CNTN1: variants seen among roughly 807,000 people sequenced by gnomAD.
The protein encoded by CNTN1 is contactin-1.
CNTN1 carries 38 observed loss-of-function variants against 126.4 expected under a neutral mutation model. The observed-to-expected ratio is 0.30, with a 90% CI of 0.23 to 0.39. The LOEUF is 0.39. Among genes scored for constraint, CNTN1 ranks in the 10% least tolerant of loss-of-function variants. The pLI, the probability that CNTN1 is intolerant of heterozygous loss-of-function variation, is 1.00. For synonymous variants in CNTN1, 413 were observed against 422.6 expected, an observed-to-expected ratio of 0.98 and a Z score of 0.28; for missense variants, 1,009 against 1,248.4, an observed-to-expected ratio of 0.81 and a Z score of 2.89.
chr12:40,764,240 A>G (rs1938986818), intron 1 of CNTN1, among the ~76,000 whole-genome samples: 1 of 152,238 alleles, frequency 6.6e-6, no homozygotes, highest in Admixed American at 6.5e-5. Flanking sequence ...CACCAGGCAG[A>G]TTAAGCAGGC....
At chr12:40,896,693 A>G (rs1944426718) in intron 1 of CNTN1, among the ~76,000 whole-genome samples, 1 of 152,234 alleles carries the variant, frequency 6.6e-6, no homozygotes, top group Non-Finnish European at 1.5e-5. Context: ...AGTTGTCCTC[A>G]AATATATTTT....
intron 4 of CNTN1, among the ~76,000 whole-genome samples, chr12:40,920,060 A>C (rs1256598930): frequency 6.6e-6 from 1 of 152,162 alleles, no homozygotes; most frequent in Non-Finnish European, 1.5e-5. Context: ...AGACTGAAAC[A>C]CAGTTTTTAT....
chr12:40,768,860 A>C (rs1939225961), intron 1 of CNTN1, among the ~76,000 whole-genome samples: 2 of 152,270 alleles, frequency 1.3e-5, no homozygotes, highest in South Asian at 2.1e-4. Context: ...TTAAATAGTA[A>C]GTTTATTCTT....
At chr12:40,713,531 G>C (rs932581715) in intron 1 of CNTN1, among the ~76,000 whole-genome samples, 1 of 151,384 alleles carries the variant, frequency 6.6e-6, no homozygotes, top group Admixed American at 6.6e-5. Context: ...TTGATTATTT[G>C]GAATATTATC....
At chr12:41,016,201 G>A (rs1247640118) in intron 18 of CNTN1, among the ~76,000 whole-genome samples, 3 of 152,166 alleles carry the variant, frequency 2.0e-5, no homozygotes, top group African/African-American at 7.2e-5. Flanking sequence ...TTCATAAAAC[G>A]TGTATTCTAG....
At chr12:40,987,329 A>G (rs1469643448) in intron 16 of CNTN1, among the ~76,000 whole-genome samples, 4 of 152,206 alleles carry the variant, frequency 2.6e-5, no homozygotes, top group South Asian at 2.1e-4. Context: ...GAAATAGACT[A>G]TGTACTTTTA....
Position 40,929,919 on chromosome 12 carries a change from G to C in CNTN1, c.620G>C (p.Gly207Ala), listed in dbSNP as rs1310104539. 3 of 1,612,744 alleles carry C rather than the reference G, an allele frequency of 1.9e-6. No homozygotes were observed. In the East Asian group the frequency reaches 6.7e-5, roughly 36 times the overall value. Residue 207 changes from glycine to alanine, a missense_variant, in exon 7 of 24, where the codon GGC (glycine) becomes GCC (alanine). Gly to Ala is a moderately conservative substitution (Grantham distance 60, BLOSUM62 0). Transcript: ENST00000551295. ...GCAAATGTTGAGGCTTCCGACAAAGGCAATTATTCCTGCTTTGTTTCCAGT... is the reference window on the plus strand; with the variant it reads ...GCAAATGTTGAGGCTTCCGACAAAGCCAATTATTCCTGCTTTGTTTCCAGT... The part of the protein sequence containing the change: ...YIANVEASDK[G>A]NYSCFVSSPS...
chr12:40,957,276 G>GA (rs1946921245), intron 14 of CNTN1, among the ~76,000 whole-genome samples: 1 of 151,892 alleles, frequency 6.6e-6, no homozygotes, highest in Non-Finnish European at 1.5e-5. Context: ...AGAAAGAAGA[G>GA]AAAAGAAGAG....
In CNTN1 at chr12:40,705,478, T is replaced by G. The variant is rs576731977; in HGVS notation, c.-77+12886T>G. 1.2e-3 allele frequency among the ~76,000 whole-genome samples: 180 copies of G among 151,964 alleles called. 1 individual carries two copies. The highest frequency in any genetic ancestry group is 4.1e-3 in the African/African-American group (170 of 41,460). On this transcript the variant is annotated intron_variant, in intron 1 of 23. Transcript: ENST00000551295. ...TATTCCATCTACATCAGATCACAGTTTTTTTTTTCAATGTTTAATAATAGG... is the reference window on the plus strand; with the variant it reads ...TATTCCATCTACATCAGATCACAGTGTTTTTTTTCAATGTTTAATAATAGG...
At chr12:40,808,521 A>G (rs533594160) in intron 1 of CNTN1, among the ~76,000 whole-genome samples, 2 of 152,148 alleles carry the variant, frequency 1.3e-5, no homozygotes, top group East Asian at 3.9e-4. Flanking sequence ...CATTAATAAT[A>G]TTAAAATGTA....
intron 3 of CNTN1, among the ~76,000 whole-genome samples, chr12:40,914,262 G>A (rs895792604): frequency 2.0e-5 from 3 of 152,062 alleles, no homozygotes; most frequent in African/African-American, 7.2e-5. Context: ...GCTGAGCTTT[G>A]TATTGAAATA....
At chr12:40,850,847 G>T (rs1942690930) in intron 1 of CNTN1, among the ~76,000 whole-genome samples, 1 of 152,082 alleles carries the variant, frequency 6.6e-6, no homozygotes, top group South Asian at 2.1e-4. Flanking sequence ...AATTATAAAT[G>T]ATCAGTCCCC....
At chr12:40,957,592 AAAAT>A (rs60750061) in intron 14 of CNTN1, among the ~76,000 whole-genome samples, 3,491 of 140,704 alleles carry the variant, frequency 0.025, 59 homozygotes, top group Middle Eastern at 0.065. Context: ...TGGTATGACA[AAAAT>A]AAATAAATAA....
chr12:41,007,534 A>G (rs1022814721), intron 17 of CNTN1, among the ~76,000 whole-genome samples: 3 of 152,146 alleles, frequency 2.0e-5, no homozygotes, highest in African/African-American at 7.2e-5. Flanking sequence ...GAGAAGTGAA[A>G]GAGAAACAGT....
rs1945970205 is a variant in CNTN1 at position 40,933,519 on chromosome 12, G to C, written c.762G>C (p.Leu254Phe). 3 of 1,612,114 alleles carry C rather than the reference G, an allele frequency of 1.9e-6. No homozygotes were observed. The highest frequency in any genetic ancestry group is 2.5e-6 in the Non-Finnish European group (3 of 1,178,548). The change falls in exon 8 of 24, where the codon TTG (leucine) becomes TTC (phenylalanine). Residue 254 changes from leucine (L) to phenylalanine (F), a missense_variant. By Grantham distance (22) the Leu-to-Phe change is conservative. Coordinates refer to ENST00000551295, the MANE Select transcript of CNTN1 (RefSeq NM_001843.4). ...TTCAGTTCAAGGATGTATATGCATT[G>C]ATGGGCCAAAATGTGACCTTAGAAT... is the stretch of plus-strand genomic sequence containing the variant. ...IVVQFKDVYALMGQNVTLECF... is the reference protein window; with the variant it reads ...IVVQFKDVYAFMGQNVTLECF...
chr12:41,050,557 C>T (rs1949652248), intron 23 of CNTN1, among the ~76,000 whole-genome samples: 1 of 152,158 alleles, frequency 6.6e-6, no homozygotes, highest in Non-Finnish European at 1.5e-5. Context: ...CACCTTCCAC[C>T]AGGTCCCTCC....
intron 1 of CNTN1, among the ~76,000 whole-genome samples, chr12:40,743,188 G>A (rs1314210074): frequency 6.6e-6 from 1 of 151,958 alleles, no homozygotes; most frequent in African/African-American, 2.4e-5. Context: ...GCAAGGACCA[G>A]TTGTGTCCTG....
At chr12:40,964,791 G>C (rs900464796) in intron 15 of CNTN1, among the ~76,000 whole-genome samples, 1 of 152,038 alleles carries the variant, frequency 6.6e-6, no homozygotes, top group Non-Finnish European at 1.5e-5. Context: ...AAGCCAATAA[G>C]CCTGATGGAA....
intron 20 of CNTN1, among the ~76,000 whole-genome samples, chr12:41,022,220 T>C (rs1282979048): frequency 6.6e-6 from 1 of 152,180 alleles, no homozygotes; most frequent in East Asian, 1.9e-4. Flanking sequence ...CTTTTTTAAT[T>C]GGGAACTAAA....
Sources: allele counts gnomAD v4.1 joint callset (sites outside exome capture counted in the v4.1 genomes callset), GRCh38; gene constraint gnomAD v4.1.1; transcripts MANE v1.5; gene names NCBI Gene and HGNC (gene_info 2026-07-23, HGNC 2026-07-21).